Variants in CREB5 observed in about 807,000 individuals in gnomAD.
CREB5 encodes cAMP responsive element binding protein 5, also known as cyclic AMP-responsive element-binding protein 5.
Under a neutral mutation model 57.1 loss-of-function variants are expected in CREB5, and 19 were observed. That is an observed-to-expected ratio of 0.33 (90% CI 0.23 to 0.49). CREB5 has a LOEUF of 0.49. Among genes scored for constraint, CREB5 ranks in the 20% least tolerant of loss-of-function variants. The pLI, the probability that CREB5 is intolerant of heterozygous loss-of-function variation, is 0.99. For missense variants in CREB5, 579 were observed against 671.6 expected (o/e 0.86, Z 1.52); for synonymous variants, 238 against 238.3 (o/e 1.00, Z 0.01).
At chr7:28,754,605 A>C (rs997578950) in intron 7 of CREB5, among the ~76,000 whole-genome samples, 1 of 152,176 alleles carries the variant, frequency 6.6e-6, no homozygotes, top group Non-Finnish European at 1.5e-5. Flanking sequence ...ATGTCAGTTC[A>C]TATTTTACCT....
At chr7:28,560,833 C>T (rs201167942) in intron 4 of CREB5, among the ~76,000 whole-genome samples, 14,225 of 41,112 alleles carry the variant, frequency 0.35, 3,424 homozygotes, top group African/African-American at 0.43. Context: ...CGCGCGCGCG[C>T]GTGTGTGTGT....
intron 1 of CREB5, among the ~76,000 whole-genome samples, chr7:28,361,537 G>A (rs907847727): frequency 6.6e-6 from 1 of 152,200 alleles, no homozygotes; most frequent in Non-Finnish European, 1.5e-5. Context: ...TTCTTCCAGG[G>A]TGTTGACTCT....
intron 5 of CREB5, among the ~76,000 whole-genome samples, chr7:28,712,258 A>T (rs983529853): frequency 1.3e-5 from 2 of 152,116 alleles, no homozygotes; most frequent in Non-Finnish European, 2.9e-5. Context: ...CTGAAATCCC[A>T]GCACTTTGGG....
chr7:28,695,355 C>A (rs2128733186), intron 5 of CREB5, among the ~76,000 whole-genome samples: 1 of 152,332 alleles, frequency 6.6e-6, no homozygotes, highest in East Asian at 1.9e-4. Context: ...GGCCAGTGAG[C>A]TTCCTGGTGC....
intron 1 of CREB5, among the ~76,000 whole-genome samples, chr7:28,336,267 T>C (rs2127987853): frequency 6.6e-6 from 1 of 152,234 alleles, no homozygotes; most frequent in Admixed American, 6.5e-5. Flanking sequence ...TTAAGTAGGA[T>C]TGATATTTAG....
intron 5 of CREB5, among the ~76,000 whole-genome samples, chr7:28,707,234 T>G (rs1054836910): frequency 6.6e-6 from 1 of 152,306 alleles, no homozygotes. Flanking sequence ...AAAATGACAG[T>G]TGTATTAACT....
intron 5 of CREB5, among the ~76,000 whole-genome samples, chr7:28,710,910 G>A (rs542578001): frequency 1.3e-5 from 2 of 152,298 alleles, no homozygotes; most frequent in African/African-American, 4.8e-5. Context: ...TATACTGAGA[G>A]CACTCGAGAA....
chr7:28,507,855 G>GT, intron 4 of CREB5, 118 bp downstream of exon 4: 1 of 1,201,506 alleles, frequency 8.3e-7, no homozygotes, highest in Non-Finnish European at 1.1e-6. Context: ...TTAGCCATTT[G>GT]TGAGTATTTG....
At chr7:28,431,571 A>C (rs915344829) in intron 1 of CREB5, among the ~76,000 whole-genome samples, 1 of 152,168 alleles carries the variant, frequency 6.6e-6, no homozygotes, top group Non-Finnish European at 1.5e-5. Flanking sequence ...GTACCTTTCA[A>C]ATATTGGAGG....
At chr7:28,529,199 CT>C (rs1374924819) in intron 4 of CREB5, among the ~76,000 whole-genome samples, 1 of 152,204 alleles carries the variant, frequency 6.6e-6, no homozygotes, top group Non-Finnish European at 1.5e-5. Flanking sequence ...CAGCTGACCC[CT>C]GGAGGGATCT....
intron 4 of CREB5, among the ~76,000 whole-genome samples, chr7:28,558,782 TTAAG>T (rs1794969379): frequency 6.6e-6 from 1 of 152,218 alleles, no homozygotes; most frequent in African/African-American, 2.4e-5. Flanking sequence ...TTTCTGGTCA[TTAAG>T]TAGGTATGCA....
chr7:28,507,472 A>G (rs918732362), intron 3 of CREB5, 144 bp from the exon 4 acceptor site: 3 of 935,294 alleles, frequency 3.2e-6, no homozygotes, highest in Admixed American at 2.5e-5. Context: ...GCATATCGTT[A>G]TGTTATTTAA....
At chr7:28,620,464 C>T (rs1797752520) in intron 5 of CREB5, among the ~76,000 whole-genome samples, 1 of 152,176 alleles carries the variant, frequency 6.6e-6, no homozygotes, top group Non-Finnish European at 1.5e-5. Flanking sequence ...GGCTGTGTCT[C>T]AGCATCTCCA....
At chr7:28,422,104 G>A (rs1025367092) in intron 1 of CREB5, among the ~76,000 whole-genome samples, 2 of 151,990 alleles carry the variant, frequency 1.3e-5, no homozygotes, top group Non-Finnish European at 2.9e-5. Flanking sequence ...GGGGAATGGT[G>A]GAGGAAATTA....
chr7:28,639,383 A>C (rs1798559317), intron 5 of CREB5, among the ~76,000 whole-genome samples: 1 of 152,192 alleles, frequency 6.6e-6, no homozygotes, highest in Non-Finnish European at 1.5e-5. Context: ...GGGAGGCTTA[A>C]ATTTTGTGTC....
In CREB5 at chr7:28,718,858, A is replaced by G. The variant is rs1326064275; in HGVS notation, c.570A>G (p.Gly190=). 1.9e-6 allele frequency: 3 copies of G among 1,613,946 alleles called. No individual in the cohort carries two copies. The South Asian group carries it at 3.3e-5, about 18-fold the overall frequency. ...PGTLPNPTMP[G]SSAVLMPMER... is the part of the protein sequence containing the mutation. ...CCCTGCCCAACCCTACAATGCCAGG[A>G]TCTTCCGCCGTCTTGATGCCAGTAA... Residue 190 remains glycine, a synonymous_variant, in exon 6 of 11, where the codon GGA becomes GGG. Coordinates refer to ENST00000357727, the MANE Select transcript of CREB5 (RefSeq NM_182898.4).
chr7:28,662,168 G>A (rs781628396), intron 5 of CREB5, among the ~76,000 whole-genome samples: 5 of 152,192 alleles, frequency 3.3e-5, no homozygotes, highest in Non-Finnish European at 4.4e-5. Context: ...CAGAAGAAAA[G>A]CCAGGTCATT....
intron 1 of CREB5, among the ~76,000 whole-genome samples, chr7:28,311,090 C>A (rs1468264524): frequency 7.9e-6 from 1 of 126,624 alleles, no homozygotes; most frequent in African/African-American, 3.0e-5. Flanking sequence ...GTCAGGAGAT[C>A]AAGACTATCC....
intron 5 of CREB5, among the ~76,000 whole-genome samples, chr7:28,623,943 A>C (rs573775173): frequency 6.6e-6 from 1 of 152,350 alleles, no homozygotes; most frequent in South Asian, 2.1e-4. Flanking sequence ...TCTAAGATCA[A>C]AACCCAGGGA....
Sources: gnomAD v4.1 joint callset for allele counts (sites outside exome capture counted in the v4.1 genomes callset) on GRCh38, gnomAD v4.1.1 for gene constraint, MANE v1.5 for transcripts, NCBI Gene and HGNC (gene_info 2026-07-23, HGNC 2026-07-21) for gene names.